Variants in ANK1 observed in about 807,000 individuals in gnomAD.
ANK1 encodes the protein ankyrin 1, also known as ankyrin-1.
ANK1 carries 51 observed loss-of-function variants against 210.4 expected under a neutral mutation model. That is an observed-to-expected ratio of 0.24 (90% CI 0.19 to 0.31). The LOEUF (loss-of-function observed/expected upper bound fraction) is 0.31. ANK1 is among the 10% of genes least tolerant of loss of function. The pLI is 1.00. For missense variants in ANK1, 2,051 were observed against 2,504.4 expected, an observed-to-expected ratio of 0.82 and a Z score of 3.86; for synonymous variants, 967 against 1,025.9, an observed-to-expected ratio of 0.94 and a Z score of 1.10.
At chr8:41,814,018 A>G (rs1365076589) in intron 1 of ANK1, among the ~76,000 whole-genome samples, 1 of 152,242 alleles carries the variant, frequency 6.6e-6, no homozygotes, top group Non-Finnish European at 1.5e-5. Context: ...GTCCTGTTAC[A>G]AGAACAGATT....
chr8:41,733,076 T>C (rs1832617241), intron 3 of ANK1, among the ~76,000 whole-genome samples: 1 of 152,256 alleles, frequency 6.6e-6, no homozygotes, highest in Non-Finnish European at 1.5e-5. Flanking sequence ...GCATCTTGTT[T>C]GATAAATAAG....
intron 1 of ANK1, among the ~76,000 whole-genome samples, chr8:41,824,570 G>A (rs375506115): frequency 1.3e-5 from 2 of 152,176 alleles, no homozygotes; most frequent in East Asian, 1.9e-4. Flanking sequence ...TAAGCAAAAC[G>A]GTGGTAGATA....
chr8:41,660,621 C>A (rs193138291), intron 42 of ANK1: 3 of 438,818 alleles, frequency 6.8e-6, no homozygotes, highest in Admixed American at 6.5e-5. Context: ...CGGCACGGCA[C>A]GGCATGCCCC....
At chr8:41,801,959 T>C (rs1328478121), upstream of ANK1, among the ~76,000 whole-genome samples, 1 of 152,200 alleles carries the variant, frequency 6.6e-6, no homozygotes, top group Non-Finnish European at 1.5e-5. Context: ...TTCTGTATTA[T>C]ATTTATTTTA....
At chr8:41,882,856 C>A (rs1181071265) in intron 1 of ANK1, among the ~76,000 whole-genome samples, 1 of 152,212 alleles carries the variant, frequency 6.6e-6, no homozygotes, top group African/African-American at 2.4e-5. Flanking sequence ...GATGGCTGTG[C>A]CCGTGACCTT....
At chr8:41,863,816 C>T (rs925691316) in intron 1 of ANK1, among the ~76,000 whole-genome samples, 4 of 152,138 alleles carry the variant, frequency 2.6e-5, no homozygotes, top group Admixed American at 1.3e-4. Context: ...CCCACAATAG[C>T]GAATGTGGTT....
intron 3 of ANK1, among the ~76,000 whole-genome samples, chr8:41,732,502 T>A (rs1490941390): frequency 6.6e-6 from 1 of 152,088 alleles, no homozygotes; most frequent in East Asian, 1.9e-4. Flanking sequence ...AACCTCCGCC[T>A]CCTGGGTTCA....
At chr8:41,661,647 C>G (rs118027206) in intron 41 of ANK1, 83 bp from the exon 42 acceptor site, 1 of 1,604,858 alleles carries the variant, frequency 6.2e-7, no homozygotes, top group Non-Finnish European at 8.5e-7. Flanking sequence ...GGAGGCCACA[C>G]GGAGGTGGCA....
rs1812852432 is a variant in ANK1 at position 41,672,836 on chromosome 8, G to T, written c.4614C>A (p.Asp1538Glu). ...GGACGGCCACCTCATTCCAGTACTGGTCTGCACGTAGCGGAGAGGAAAGTG... is the reference window on the plus strand; with the variant it reads ...GGACGGCCACCTCATTCCAGTACTGTTCTGCACGTAGCGGAGAGGAAAGTG... ...GCALSSPLRADQYWNEVAVLD... is the reference protein window; with the variant it reads ...GCALSSPLRAEQYWNEVAVLD... The change falls in exon 38 of 43, where the codon GAC becomes GAA. Residue 1538 changes from aspartate to glutamate, a missense_variant. Asp to Glu is a conservative substitution (Grantham distance 45). This residue lies in a region of ANK1 where 496 missense variants were observed against 533.4 expected (regional missense o/e 0.93). Transcript: ENST00000289734. 1.2e-6 allele frequency: 2 copies of T among 1,612,548 alleles called. No individual in the cohort carries two copies. The highest frequency in any genetic ancestry group is 1.7e-4 in the Middle Eastern group (1 of 6,060).
At chr8:41,703,468 A>G (rs1172519586) in intron 20 of ANK1, among the ~76,000 whole-genome samples, 2 of 55,844 alleles carry the variant, frequency 3.6e-5, no homozygotes, top group Non-Finnish European at 6.6e-5. Flanking sequence ...TTTTTTTTTA[A>G]GACACAAGGT....
At chr8:41,663,096 G>GTC (rs550550380) in intron 40 of ANK1, among the ~76,000 whole-genome samples, 1 of 82,212 alleles carries the variant, frequency 1.2e-5, no homozygotes, top group Non-Finnish European at 2.5e-5. Flanking sequence ...GTGTGTGTGT[G>GTC]TGTCTCTCTC....
chr8:41,886,073 C>A (rs534936361), intron 1 of ANK1, among the ~76,000 whole-genome samples: 1 of 152,164 alleles, frequency 6.6e-6, no homozygotes, highest in East Asian at 1.9e-4. Context: ...AAGTCTCATT[C>A]GGGATTAAAG....
chr8:41,670,515 C>T (rs1811925686), intron 38 of ANK1, among the ~76,000 whole-genome samples: 1 of 152,208 alleles, frequency 6.6e-6, no homozygotes, highest in East Asian at 1.9e-4. Context: ...CCGGGAAGGC[C>T]ACTATTTCAC....
Position 41,748,751 on chromosome 8 carries a change from T to C in ANK1, c.129+9285A>G, listed in dbSNP as rs559757012. Among the ~76,000 whole-genome samples, 23 of 152,310 alleles carry C rather than the reference T, an allele frequency of 1.5e-4. No individual in the cohort carries two copies. The South Asian group carries it at 4.8e-3, about 32-fold the overall frequency. On this transcript the variant is annotated intron_variant, in intron 2 of 42. Transcript: ENST00000289734. ...AACAGCTCAAAAAATATTTGTTGAA[T>C]GAAGCCAGGCGCGGTGGCTTACGCC... is the stretch of plus-strand genomic sequence containing the variant.
intron 39 of ANK1, chr8:41,665,417 C>T (rs913334796): frequency 1.2e-5 from 7 of 569,592 alleles, no homozygotes; most frequent in East Asian, 1.3e-4. Context: ...GAGTGACACC[C>T]GCTGCTGCCT....
intron 34 of ANK1, 137 bp from the exon 35 acceptor site, chr8:41,688,367 AC>A (rs892605587): frequency 7.0e-7 from 1 of 1,419,672 alleles, no homozygotes; most frequent in African/African-American, 1.4e-5. Context: ...TCAGGGGAAG[AC>A]CCGAGTCAGC....
At chr8:41,735,557 C>T (rs536528631) in intron 2 of ANK1, among the ~76,000 whole-genome samples, 4 of 152,220 alleles carry the variant, frequency 2.6e-5, no homozygotes, top group South Asian at 4.2e-4. Context: ...GTCTGATGTG[C>T]GGGGTCCCTG....
intron 1 of ANK1, among the ~76,000 whole-genome samples, chr8:41,772,252 A>G (rs1338454832): frequency 1.3e-5 from 2 of 152,318 alleles, no homozygotes; most frequent in East Asian, 3.9e-4. Context: ...GTCTCCCACA[A>G]TTGAGCTGTG....
chr8:41,764,571 T>A (rs1030607928), intron 1 of ANK1, among the ~76,000 whole-genome samples: 1 of 152,172 alleles, frequency 6.6e-6, no homozygotes, highest in Non-Finnish European at 1.5e-5. Context: ...GCTCATCCTA[T>A]ACAGAAAACT....
Sources: gnomAD v4.1 joint callset for allele counts (sites outside exome capture counted in the v4.1 genomes callset) on GRCh38, gnomAD v4.1.1 for gene constraint, gnomAD v4.1.1 regional missense constraint, MANE v1.5 for transcripts, NCBI Gene and HGNC (gene_info 2026-07-23, HGNC 2026-07-21) for gene names.